COL5A1: variants seen among roughly 807,000 people sequenced by gnomAD.
COL5A1 encodes the protein collagen alpha-1(V) chain.
Under a neutral mutation model 263.7 loss-of-function variants are expected in COL5A1, and 16 were observed. That is an observed-to-expected ratio of 0.06 (90% CI 0.04 to 0.09). The LOEUF (loss-of-function observed/expected upper bound fraction) is 0.09, where lower values mean the gene tolerates loss of function less well. COL5A1 is among the 10% of genes least tolerant of loss of function. The probability of loss-of-function intolerance (pLI) is 1.00; values close to 1 mark genes in which losing one functional copy is unlikely to be tolerated. For synonymous variants in COL5A1, 1,012 were observed against 1,004.5 expected (o/e 1.01, Z -0.14); for missense variants, 2,036 against 2,540.5 (o/e 0.80, Z 4.27).
At chr9:134,781,719 C>T (rs1837263990) in intron 28 of COL5A1, among the ~76,000 whole-genome samples, 1 of 152,182 alleles carries the variant, frequency 6.6e-6, no homozygotes. Context: ...TCTTTGTGGA[C>T]TTCTGCATTA....
chr9:134,732,064 C>A lies in COL5A1; in HGVS notation c.1333-7C>A. 1.2e-6 allele frequency: 2 copies of A among 1,613,798 alleles called. No homozygotes were observed. Among genetic ancestry groups the A allele is most frequent in the Non-Finnish European group, 1.7e-6 (2 of 1,179,638 alleles). On this transcript the variant is annotated splice_polypyrimidine_tract_variant and splice_region_variant and intron_variant, in intron 8 of 65. Coordinates refer to ENST00000371817, the MANE Select transcript of COL5A1 (RefSeq NM_000093.5). ...TTCTCTTTCCATCTGCCTTTTATCA[C>A]CCCCAGATTGGAGGACCTCGGGGCG...
rs553917246 is a variant in COL5A1, at chr9:134,760,749, CA to C, written c.1936-1175del. ...CATGCACACACACCACACATGCACACACACCCCACACATACACGAACACCAC... is the reference window on the plus strand; with the variant it reads ...CATGCACACACACCACACATGCACACCACCCCACACATACACGAACACCAC... On this transcript the variant is annotated intron_variant, in intron 18 of 65. Coordinates refer to ENST00000371817, the MANE Select transcript of COL5A1 (RefSeq NM_000093.5). 0.01 allele frequency among the ~76,000 whole-genome samples: 1,447 copies of C among 142,252 alleles called. 90 individuals carry two copies. The East Asian group carries it at 0.18, about 17-fold the overall frequency. The allele number at this position is 142,252 out of a possible 152,430, so 93.3% of individuals were successfully genotyped here.
intron 10 of COL5A1, 85 bp from the exon 11 acceptor site, chr9:134,738,661 C>A: frequency 2.0e-6 from 3 of 1,474,694 alleles, no homozygotes; most frequent in Admixed American, 1.7e-5. Context: ...CCCACCCCCA[C>A]CTCTGCCTTG....
At position 134,808,680 on chromosome 9, in the gene COL5A1, A is replaced by G. The variant is rs549131993; in HGVS notation, c.3367-503A>G. On this transcript the variant is annotated intron_variant, in intron 42 of 65. Coordinates refer to ENST00000371817, the MANE Select transcript of COL5A1 (RefSeq NM_000093.5). ...TACATAGGCGTGTTCACATGTGTGC[A>G]TGTATGCACATGTGTGTGCGTACAT... Among the ~76,000 whole-genome samples, 15 of 152,326 alleles carry G rather than the reference A, an allele frequency of 9.8e-5. No homozygotes were observed. In the East Asian group the frequency reaches 2.5e-3, roughly 26 times the overall value.
chr9:134,669,874 A>G (rs1832489069), intron 1 of COL5A1, among the ~76,000 whole-genome samples: 1 of 152,220 alleles, frequency 6.6e-6, no homozygotes, highest in South Asian at 2.1e-4. Flanking sequence ...TAAAGTCCAC[A>G]TGTTCCTGGA....
intron 63 of COL5A1, among the ~76,000 whole-genome samples, chr9:134,827,274 C>T (rs1397770625): frequency 2.0e-5 from 3 of 152,206 alleles, no homozygotes; most frequent in African/African-American, 7.2e-5. Flanking sequence ...GTGCTGAGCT[C>T]AGTAGCCACT....
At chr9:134,738,911 C>T in intron 11 of COL5A1, 103 bp downstream of exon 11, 1 of 951,130 alleles carries the variant, frequency 1.1e-6, no homozygotes, top group East Asian at 2.4e-5. Context: ...GGAGGTGACC[C>T]AGAGGCTTGT....
At chr9:134,767,684 T>G (rs1428780762) in intron 24 of COL5A1, among the ~76,000 whole-genome samples, 1 of 152,250 alleles carries the variant, frequency 6.6e-6, no homozygotes, top group East Asian at 1.9e-4. Context: ...CATCTTGTTT[T>G]GTTGTTGTTT....
intron 37 of COL5A1, among the ~76,000 whole-genome samples, chr9:134,798,719 G>A (rs1442658919): frequency 1.3e-5 from 2 of 152,250 alleles, no homozygotes; most frequent in Non-Finnish European, 2.9e-5. Flanking sequence ...GTTGGCTTTG[G>A]GCTGGTTTTG....
chr9:134,679,426 TGGG>T (rs1564381902), intron 1 of COL5A1, among the ~76,000 whole-genome samples: 1 of 17,038 alleles, frequency 5.9e-5, no homozygotes, highest in Non-Finnish European at 1.1e-4. Context: ...TGGGGCTGGT[TGGG>T]GGCACTGTGG....
intron 4 of COL5A1, among the ~76,000 whole-genome samples, chr9:134,720,520 C>G (rs1046673829): frequency 6.6e-6 from 1 of 152,198 alleles, no homozygotes; most frequent in Non-Finnish European, 1.5e-5. Flanking sequence ...AGACAGTGTG[C>G]GCCAGATTAT....
chr9:134,685,044 A>G (rs1248987914), intron 1 of COL5A1, among the ~76,000 whole-genome samples: 188 of 72,498 alleles, frequency 2.6e-3, no homozygotes, highest in African/African-American at 0.012. Context: ...TCATCCATCC[A>G]CCATCCATCC....
Position 134,814,045 on chromosome 9 carries a change from G to A in COL5A1, c.3906+9G>A, listed in dbSNP as rs771970564. 1.3e-6 allele frequency: 2 copies of A among 1,550,624 alleles called. No individual in the cohort carries two copies. The highest frequency in any genetic ancestry group is 2.4e-5 in the South Asian group (2 of 84,042). On this transcript the variant is annotated intron_variant, in intron 49 of 65. Transcript: ENST00000371817. ...GAGAAGGCGGCCCCCCGGTGAGTGA[G>A]CGGGCGCTGCGGGAGGGGTGGGATA...
chr9:134,662,052 C>A (rs1832222070), intron 1 of COL5A1, among the ~76,000 whole-genome samples: 1 of 151,946 alleles, frequency 6.6e-6, no homozygotes, highest in African/African-American at 2.4e-5. Flanking sequence ...ATCCAGCCCT[C>A]CCTGTGCTGA....
chr9:134,652,748 G>T lies in COL5A1; in HGVS notation c.109+10452G>T. Reference sequence around the variant, plus strand: ...TGGCTCATTGTCAGACAGGAGGGAGGGCCTCTTCTTAGGCCGGGTCCAGCG... The same window carrying T: ...TGGCTCATTGTCAGACAGGAGGGAGTGCCTCTTCTTAGGCCGGGTCCAGCG... On this transcript the variant is annotated intron_variant, in intron 1 of 65. Transcript: ENST00000371817. The surrounding 1 kb of genome is among the most constrained non-coding windows in gnomAD (Gnocchi z 4.4). 1 of 470,766 alleles carries T rather than the reference G, an allele frequency of 2.1e-6. No individual in the cohort carries two copies. The highest frequency in any genetic ancestry group is 4.4e-6 in the Non-Finnish European group (1 of 226,876). The allele number at this position is 470,766 out of a possible 1,614,324, so 29.2% of individuals were successfully genotyped here.
chr9:134,747,528 C>T (rs1835562099), intron 11 of COL5A1, among the ~76,000 whole-genome samples: 1 of 85,758 alleles, frequency 1.2e-5, no homozygotes, highest in Non-Finnish European at 2.2e-5. Flanking sequence ...TATGGACGTT[C>T]ACACATCCAC....
Position 134,754,033 on chromosome 9 carries a change from C to T in COL5A1, c.1773+130C>T, listed in dbSNP as rs78092926. On this transcript the variant is annotated intron_variant, in intron 15 of 65. Coordinates refer to ENST00000371817, the MANE Select transcript of COL5A1 (RefSeq NM_000093.5). The surrounding 1 kb of genome is among the most constrained non-coding windows in gnomAD (Gnocchi z 4.3). Reference sequence around the variant, plus strand: ...ATTCGTGGGAATTGTCCTTGCTTTACGCAGTGCTGAGGGTGGAGCACAATG... The same window carrying T: ...ATTCGTGGGAATTGTCCTTGCTTTATGCAGTGCTGAGGGTGGAGCACAATG... 3.7e-3 allele frequency: 3,355 copies of T among 910,728 alleles called. 78 individuals are homozygous for T. The African/African-American group carries it at 0.048, about 13-fold the overall frequency. The allele number at this position is 910,728 out of a possible 1,614,324, so 56.4% of individuals were successfully genotyped here.
intron 2 of COL5A1, 131 bp downstream of exon 2, chr9:134,691,210 C>G (rs978418370): frequency 8.4e-7 from 1 of 1,190,342 alleles, no homozygotes; most frequent in Non-Finnish European, 1.2e-6. Flanking sequence ...CTCACGAGCC[C>G]GGCTTCGTTT....
chr9:134,708,622 G>A (rs377609178), intron 4 of COL5A1: 80 of 518,866 alleles, frequency 1.5e-4, no homozygotes, highest in South Asian at 3.6e-4. Flanking sequence ...CCCTGGCAGC[G>A]GAACACCAGC....
Sources: gnomAD v4.1 joint callset for allele counts (sites outside exome capture counted in the v4.1 genomes callset) on GRCh38, gnomAD v4.1.1 for gene constraint, Gnocchi (gnomAD v3.1) non-coding constraint, MANE v1.5 for transcripts, NCBI Gene and HGNC (gene_info 2026-07-23, HGNC 2026-07-21) for gene names.